Variants in ZFAT observed in about 807,000 individuals in gnomAD.
The protein encoded by ZFAT is zinc finger protein ZFAT.
In ZFAT, 64 loss-of-function variants were observed where a neutral mutation model predicts 117.7. The ratio of observed to expected loss-of-function variants is 0.54; its 90% CI spans 0.44 to 0.67. The LOEUF is 0.67. ZFAT is among the 30% of genes least tolerant of loss of function. The pLI, the probability that ZFAT is intolerant of heterozygous loss-of-function variation, is 0.00. For missense variants in ZFAT, 1,433 were observed against 1,584.5 expected (o/e 0.90, Z 1.62); for synonymous variants, 679 against 615.0 (o/e 1.10, Z -1.54).
intron 3 of ZFAT, among the ~76,000 whole-genome samples, chr8:134,623,415 A>C (rs1288679669): frequency 6.6e-6 from 1 of 152,136 alleles, no homozygotes; most frequent in East Asian, 1.9e-4. Flanking sequence ...GCTAGACTCC[A>C]CGTGGGGCGG....
chr8:134,588,336 T>A lies in ZFAT; in HGVS notation c.2623A>T (p.Ile875Phe). The change falls in exon 9 of 16, where the codon ATT becomes TTT. Residue 875 changes from isoleucine to phenylalanine, a missense_variant. By Grantham distance (21) the Ile-to-Phe change is conservative. Around this residue, in one of 5 missense-constraint regions of ZFAT, gnomAD observed 503 missense variants for 543.4 expected, o/e 0.93. Transcript: ENST00000377838. Reference sequence around the variant, plus strand: ...GGGCATTTCATGGCTCTCTTTCCAATTAGCCCTTTCAGCTGAACCCTCCTC... The same window carrying A: ...GGGCATTTCATGGCTCTCTTTCCAAATAGCCCTTTCAGCTGAACCCTCCTC... The part of the protein sequence containing the change: ...LGRRVQLKGL[I>F]GKRAMKCPYC... The A allele has an allele frequency of 6.3e-7, 1 of 1,592,708 alleles. No individual in the cohort carries two copies. Among genetic ancestry groups the A allele is most frequent in the South Asian group, 1.2e-5 (1 of 86,834 alleles).
rs1199595632 is a variant in ZFAT, at chr8:134,526,742, T to G, written c.3116-5741A>C. The stretch of plus-strand genomic sequence containing the variant: ...GGGTTGGGCAGTCACAAGACCTGAA[T>G]CTGGCACTTGCTCAGGTAAGCCAAA... On this transcript the variant is annotated intron_variant, in intron 12 of 15. Coordinates refer to ENST00000377838, the MANE Select transcript of ZFAT (RefSeq NM_020863.4). 2.0e-5 allele frequency among the ~76,000 whole-genome samples: 3 copies of G among 152,338 alleles called. No individual in the cohort carries two copies. The South Asian group carries it at 6.2e-4, about 32-fold the overall frequency.
At chr8:134,618,536 T>A (rs1284962743) in intron 3 of ZFAT, among the ~76,000 whole-genome samples, 2 of 152,200 alleles carry the variant, frequency 1.3e-5, no homozygotes, top group African/African-American at 4.8e-5. Context: ...TGTGCCTGCT[T>A]GCTGGTTACC....
chr8:134,625,688 G>T (rs1244572743), intron 3 of ZFAT, among the ~76,000 whole-genome samples: 1 of 152,248 alleles, frequency 6.6e-6, no homozygotes, highest in Non-Finnish European at 1.5e-5. Flanking sequence ...AAAGAGAAGA[G>T]ATTCTGCCTG....
chr8:134,750,847 A>T, the ZFAT span, among the ~76,000 whole-genome samples: 1 of 152,348 alleles, frequency 6.6e-6, no homozygotes, highest in East Asian at 1.9e-4. Context: ...AAAATCTTTT[A>T]ACGTTCTATC....
the ZFAT span, among the ~76,000 whole-genome samples, chr8:134,828,673 A>G: frequency 6.6e-6 from 1 of 152,194 alleles, no homozygotes; most frequent in Non-Finnish European, 1.5e-5. Context: ...ATTAACTCAC[A>G]TTCCTTTTTT....
At chr8:134,521,726 CTT>C (rs1820673579) in intron 12 of ZFAT, among the ~76,000 whole-genome samples, 2 of 152,216 alleles carry the variant, frequency 1.3e-5, no homozygotes, top group Admixed American at 1.3e-4. Context: ...ACAAAAGTCT[CTT>C]TGAACAGATT....
In ZFAT at chr8:134,565,172, A is replaced by G. The variant is rs998869091; in HGVS notation, c.2976+161T>C. The stretch of plus-strand genomic sequence containing the variant: ...ACGCTTCTGGAACGAGAGAGCACAA[A>G]TAAGCTGCACTATGCCTCAGACTCC... On this transcript the variant is annotated intron_variant, in intron 11 of 15. Transcript: ENST00000377838. The G allele has an allele frequency of 3.3e-6, 5 of 1,533,974 alleles. No homozygotes were observed. The African/African-American group carries it at 6.8e-5, about 21-fold the overall frequency.
chr8:134,637,365 C>A, intron 3 of ZFAT, 96 bp downstream of exon 3: 3 of 1,455,510 alleles, frequency 2.1e-6, no homozygotes, highest in Admixed American at 1.9e-5. Flanking sequence ...TAAATATGTG[C>A]TATTTCCAAG....
chr8:134,632,127 G>A (rs571764243), intron 3 of ZFAT, among the ~76,000 whole-genome samples: 57 of 152,052 alleles, frequency 3.7e-4, no homozygotes, highest in African/African-American at 1.3e-3. Context: ...CCATCTCTCT[G>A]ACCTCTCCAG....
At position 134,590,338 on chromosome 8, in the gene ZFAT, A is replaced by C. The variant is rs3739425; in HGVS notation, c.2493T>G (p.Ser831=). The change falls in exon 8 of 16, where the codon TCT becomes TCG. Residue 831 remains serine (S), a synonymous_variant. Transcript: ENST00000377838. ...VHTALDKRSY[S]CPVCEKSFSE... ...AAAAAGACTTTTCACAAACAGGACA[A>C]GAATAACTCCTTTTGTCCTTAATAG... 3 of 1,611,994 alleles carry C rather than the reference A, an allele frequency of 1.9e-6. No homozygotes were observed. In the African/African-American group the frequency reaches 4.0e-5, roughly 22 times the overall value.
chr8:134,755,649 A>G, the ZFAT span, among the ~76,000 whole-genome samples: 2 of 151,366 alleles, frequency 1.3e-5, no homozygotes. Flanking sequence ...ATGTCTCTAC[A>G]AAAAATACAA....
intron 11 of ZFAT, among the ~76,000 whole-genome samples, chr8:134,549,973 A>G (rs1446137016): frequency 6.6e-6 from 1 of 152,186 alleles, no homozygotes; most frequent in Non-Finnish European, 1.5e-5. Context: ...GTGAGGGGGA[A>G]GCAGATTTTC....
intron 3 of ZFAT, among the ~76,000 whole-genome samples, chr8:134,637,051 CCACCCAAACTGTGA>C (rs1365383807): frequency 6.6e-6 from 1 of 152,250 alleles, no homozygotes; most frequent in East Asian, 1.9e-4. Flanking sequence ...CAATTCAATG[CCACCCAAACTGTGA>C]CACCAGATTC....
At chr8:134,639,754 G>A (rs960993174) in intron 2 of ZFAT, 8 of 437,840 alleles carry the variant, frequency 1.8e-5, no homozygotes, top group Non-Finnish European at 3.2e-5. Flanking sequence ...AGAATTAGCA[G>A]AGAGGCTACA....
At chr8:134,570,894 G>A (rs1371421000) in intron 10 of ZFAT, among the ~76,000 whole-genome samples, 1 of 152,186 alleles carries the variant, frequency 6.6e-6, no homozygotes, top group Non-Finnish European at 1.5e-5. Context: ...CACTCTGTGG[G>A]TGAAACAAGT....
chr8:134,528,969 G>A (rs1821214490), intron 12 of ZFAT, among the ~76,000 whole-genome samples: 1 of 152,172 alleles, frequency 6.6e-6, no homozygotes, highest in African/African-American at 2.4e-5. Context: ...GTGGATTTGA[G>A]CCATTCATCA....
At chr8:134,500,188 G>A (rs1291360756) in intron 15 of ZFAT, among the ~76,000 whole-genome samples, 1 of 152,226 alleles carries the variant, frequency 6.6e-6, no homozygotes, top group African/African-American at 2.4e-5. Flanking sequence ...GCTGCCTGGA[G>A]GGGAGATGTC....
intron 10 of ZFAT, among the ~76,000 whole-genome samples, chr8:134,573,778 A>G (rs1393158199): frequency 4.6e-5 from 7 of 152,218 alleles, no homozygotes; most frequent in Admixed American, 4.6e-4. Context: ...TTGCCTAAGC[A>G]TGAGTGCTGG....
Sources: allele counts gnomAD v4.1 joint callset (sites outside exome capture counted in the v4.1 genomes callset), GRCh38; gene constraint gnomAD v4.1.1; regional missense constraint gnomAD v4.1.1; transcripts MANE v1.5; gene names NCBI Gene and HGNC (gene_info 2026-07-23, HGNC 2026-07-21).